UTP15: variants seen among roughly 807,000 people sequenced by gnomAD.
UTP15 encodes the protein UTP15 small subunit processome component.
Under a neutral mutation model 59.1 loss-of-function variants are expected in UTP15, and 5 were observed. That is an observed-to-expected ratio of 0.08 (90% CI 0.04 to 0.18). The LOEUF (loss-of-function observed/expected upper bound fraction) is 0.18. UTP15 is among the 10% of genes least tolerant of loss of function. The pLI is 1.00. For missense variants in UTP15, 494 were observed against 616.7 expected (o/e 0.80, Z 2.11); for synonymous variants, 211 against 212.2 (o/e 0.99, Z 0.05).
intron 7 of UTP15, 43 bp from the exon 8 acceptor site, chr5:73,576,909 C>A: frequency 2.2e-6 from 3 of 1,386,694 alleles, no homozygotes; most frequent in South Asian, 1.3e-5. Context: ...ATTTTATACT[C>A]GTTTTCAAGG....
At position 73,572,517 on chromosome 5, in the gene UTP15, G is replaced by A; in HGVS notation, c.702G>A (p.Met234Ile). Residue 234 changes from methionine (M) to isoleucine (I), a missense_variant, in exon 7 of 13, where the codon ATG (methionine) becomes ATA (isoleucine). Met to Ile is a conservative substitution (Grantham distance 10). Coordinates refer to ENST00000296792, the MANE Select transcript of UTP15 (RefSeq NM_032175.4). ...GTCGTTATGTTAAAGTCTGGGACAT[G>A]TTAAAAGGAGGACAATTGCTAGTAT... is the stretch of plus-strand genomic sequence containing the variant. Reference protein sequence around the residue: ...AGGRYVKVWDMLKGGQLLVSL... With the variant: ...AGGRYVKVWDILKGGQLLVSL... 1 of 1,614,162 alleles carries A rather than the reference G, an allele frequency of 6.2e-7. No homozygotes were observed.
intron 1 of UTP15, among the ~76,000 whole-genome samples, chr5:73,566,630 T>C (rs1274653673): frequency 6.6e-6 from 1 of 152,242 alleles, no homozygotes; most frequent in African/African-American, 2.4e-5. Flanking sequence ...TCTTTTGCAA[T>C]TGAGTCGTTC....
chr5:73,574,316 T>C (rs1748025234), intron 7 of UTP15, among the ~76,000 whole-genome samples: 1 of 151,162 alleles, frequency 6.6e-6, no homozygotes, highest in African/African-American at 2.4e-5. Context: ...TGATACCCTG[T>C]CTCTAAAAAA....
intron 1 of UTP15, chr5:73,566,187 G>A: frequency 4.3e-6 from 1 of 230,780 alleles, no homozygotes; most frequent in Non-Finnish European, 8.9e-6. Context: ...GCTCCCTCAG[G>A]TGAAGTGAAC....
chr5:73,568,722 A>C (rs1747853055), intron 4 of UTP15, 118 bp downstream of exon 4: 1 of 960,448 alleles, frequency 1.0e-6, no homozygotes, highest in Admixed American at 3.0e-5. Context: ...GCCTATAGGT[A>C]CTATATTTCC....
At chr5:73,576,846 CT>C in intron 7 of UTP15, 105 bp from the exon 8 acceptor site, 1 of 759,318 alleles carries the variant, frequency 1.3e-6, no homozygotes, top group Non-Finnish European at 2.2e-6. Context: ...TTTTTCTTCA[CT>C]GTTGTACAGA....
At chr5:73,577,114 AT>A in intron 8 of UTP15, 78 bp downstream of exon 8, 2 of 1,110,976 alleles carry the variant, frequency 1.8e-6, no homozygotes, top group Non-Finnish European at 2.6e-6. Context: ...TTTGGGCTTT[AT>A]TTTTAGATTT....
intron 7 of UTP15, among the ~76,000 whole-genome samples, chr5:73,575,257 G>C (rs532846723): frequency 1.3e-5 from 2 of 152,190 alleles, no homozygotes; most frequent in Non-Finnish European, 2.9e-5. Flanking sequence ...GGCAATTTGG[G>C]ACTTGATTCT....
At chr5:73,579,201 TC>T (rs774744069) in intron 11 of UTP15, 51 bp downstream of exon 11, 1 of 1,609,590 alleles carries the variant, frequency 6.2e-7, no homozygotes, top group Non-Finnish European at 8.5e-7. Context: ...AAATCCTTTA[TC>T]ACCAAATAAA....
In UTP15 at chr5:73,577,952, A is replaced by G. The variant is rs754282455; in HGVS notation, c.991A>G (p.Arg331Gly). 3 of 1,588,390 alleles carry G rather than the reference A, an allele frequency of 1.9e-6. No homozygotes were observed. Among genetic ancestry groups the G allele is most frequent in the East Asian group, 2.3e-5 (1 of 43,914 alleles). The change falls in exon 9 of 13, where the codon AGA becomes GGA. Residue 331 changes from arginine to glycine, a missense_variant. Coordinates refer to ENST00000296792, the MANE Select transcript of UTP15 (RefSeq NM_032175.4). ...EAKKESLPRR[R>G]RPAYRTFIKG... The stretch of plus-strand genomic sequence containing the variant: ...AAAGAAGGAATCACTTCCCAGAAGA[A>G]GAAGGCCTGCATATCGAACCTTTAT...
chr5:73,570,759 G>A (rs765234452), intron 6 of UTP15, 48 bp downstream of exon 6: 40 of 1,601,816 alleles, frequency 2.5e-5, no homozygotes, highest in South Asian at 6.7e-5. Context: ...TTTGAATCAC[G>A]TTTGTTTAAA....
intron 7 of UTP15, among the ~76,000 whole-genome samples, chr5:73,574,687 A>G (rs1440946315): frequency 1.3e-5 from 2 of 152,018 alleles, no homozygotes; most frequent in African/African-American, 2.4e-5. Context: ...GGGTTTTGCC[A>G]TGTTGCCGAG....
intron 7 of UTP15, among the ~76,000 whole-genome samples, chr5:73,574,011 ATG>A (rs1332785958): frequency 2.0e-5 from 3 of 151,864 alleles, no homozygotes; most frequent in African/African-American, 7.3e-5. Context: ...GCATCTAAAC[ATG>A]TGCACTATGA....
chr5:73,573,381 G>A (rs1287968679), intron 7 of UTP15, among the ~76,000 whole-genome samples: 2 of 151,116 alleles, frequency 1.3e-5, no homozygotes, highest in African/African-American at 2.4e-5. Context: ...CCAAGTAGCT[G>A]GGATTACAGG....
In UTP15 at chr5:73,580,348, G is replaced by T; in HGVS notation, c.*254G>T. 1 of 340,182 alleles carries T rather than the reference G, an allele frequency of 2.9e-6. No individual in the cohort carries two copies. Among genetic ancestry groups the T allele is most frequent in the Non-Finnish European group, 5.4e-6 (1 of 185,092 alleles). The allele number at this position is 340,182 out of a possible 1,614,324, so 21.1% of individuals were successfully genotyped here. ...TCTTAGTCACAGAGTAGGTTTATCT[G>T]GGATGGATATTAATTTTAATACAGG... On this transcript the variant is annotated 3_prime_UTR_variant, in exon 13 of 13. Transcript: ENST00000296792.
At chr5:73,570,822 C>G in intron 6 of UTP15, 111 bp downstream of exon 6, 1 of 1,451,888 alleles carries the variant, frequency 6.9e-7, no homozygotes, top group Non-Finnish European at 9.4e-7. Flanking sequence ...ATATCTAAGT[C>G]TTTGTTCAAA....
intron 6 of UTP15, 103 bp downstream of exon 6, chr5:73,570,814 A>G: frequency 1.3e-6 from 2 of 1,488,482 alleles, no homozygotes; most frequent in Non-Finnish European, 1.8e-6. Flanking sequence ...TGAATTGCAT[A>G]TCTAAGTCTT....
At position 73,581,669 on chromosome 5, in the gene UTP15, G is replaced by A. The variant is rs1219110867; in HGVS notation, c.*1575G>A. ...AAAATGCTTAATATGTTCCAGTAAG[G>A]GTATTAAGTAAAAATTAAATAAACG... is the stretch of plus-strand genomic sequence containing the variant. On this transcript the variant is annotated 3_prime_UTR_variant, in exon 13 of 13. Coordinates refer to ENST00000296792, the MANE Select transcript of UTP15 (RefSeq NM_032175.4). The A allele has an allele frequency of 6.7e-6, 1 of 150,016 alleles. No homozygotes were observed. Among genetic ancestry groups the A allele is most frequent in the African/African-American group, 2.5e-5 (1 of 40,774 alleles). The allele number at this position is 150,016 out of a possible 1,614,324, so 9.3% of individuals were successfully genotyped here.
intron 7 of UTP15, among the ~76,000 whole-genome samples, chr5:73,573,066 G>T (rs1747989083): frequency 6.6e-6 from 1 of 152,076 alleles, no homozygotes; most frequent in Admixed American, 6.6e-5. Context: ...AAAGTGCTGG[G>T]ATTACAGGCG....
Sources: gnomAD v4.1 joint callset for allele counts (sites outside exome capture counted in the v4.1 genomes callset) on GRCh38, gnomAD v4.1.1 for gene constraint, MANE v1.5 for transcripts, NCBI Gene and HGNC (gene_info 2026-07-23, HGNC 2026-07-21) for gene names.